The following CPNE8 variants were observed in gnomAD, a reference collection of about 807,000 sequenced individuals.
CPNE8 encodes the protein copine 8.
A neutral mutation model predicts 81.5 loss-of-function variants in CPNE8; 45 were observed. The ratio of observed to expected loss-of-function variants is 0.55; its 90% CI spans 0.44 to 0.71. The LOEUF is 0.71. Ranked by LOEUF, CPNE8 falls within the 30% of genes least tolerant of loss-of-function variation. CPNE8 has a pLI of 0.00. For synonymous variants in CPNE8, 252 were observed against 226.3 expected (o/e 1.11, Z -1.02); for missense variants, 594 against 672.1 (o/e 0.88, Z 1.28).
chr12:38,766,267 G>A (rs980689002), intron 8 of CPNE8, among the ~76,000 whole-genome samples: 1 of 152,092 alleles, frequency 6.6e-6, no homozygotes, highest in African/African-American at 2.4e-5. Context: ...TCTTTATGAA[G>A]AAAACTAATA....
At chr12:38,721,285 C>G (rs1940557610) in intron 13 of CPNE8, 1 of 153,836 alleles carries the variant, frequency 6.5e-6, no homozygotes, top group Non-Finnish European at 1.4e-5. Context: ...CCAGGCCCTT[C>G]TGTCTGCTAG....
intron 1 of CPNE8, among the ~76,000 whole-genome samples, chr12:38,888,500 A>C (rs1944266909): frequency 6.6e-6 from 1 of 152,248 alleles, no homozygotes; most frequent in South Asian, 2.1e-4. Flanking sequence ...ACCTAGGAGT[A>C]ATCTGAGATT....
intron 3 of CPNE8, among the ~76,000 whole-genome samples, chr12:38,856,501 A>G (rs1943737246): frequency 6.6e-6 from 1 of 152,184 alleles, no homozygotes; most frequent in African/African-American, 2.4e-5. Flanking sequence ...TAAAAGGATC[A>G]TCCTTGTCTA....
At chr12:38,757,135 G>A (rs1351874529) in intron 10 of CPNE8, among the ~76,000 whole-genome samples, 1 of 151,908 alleles carries the variant, frequency 6.6e-6, no homozygotes, top group Admixed American at 6.6e-5. Context: ...CATCCACTGA[G>A]CAAATAATGT....
chr12:38,873,273 T>C (rs1237262999), intron 2 of CPNE8, among the ~76,000 whole-genome samples: 1 of 152,148 alleles, frequency 6.6e-6, no homozygotes, highest in Non-Finnish European at 1.5e-5. Context: ...TAGAACTTAG[T>C]ATGAATTGAG....
intron 1 of CPNE8, among the ~76,000 whole-genome samples, chr12:38,890,797 A>T (rs555071364): frequency 2.6e-5 from 4 of 151,950 alleles, no homozygotes; most frequent in African/African-American, 9.6e-5. Context: ...CTACTTAGGT[A>T]TTTTATATAG....
At chr12:38,697,817 T>A (rs769796593) in intron 14 of CPNE8, among the ~76,000 whole-genome samples, 1 of 152,138 alleles carries the variant, frequency 6.6e-6, no homozygotes, top group Non-Finnish European at 1.5e-5. Flanking sequence ...TCTCTCTCTC[T>A]CTCTTGCTCC....
chr12:38,828,800 T>C (rs1482642813), intron 6 of CPNE8, among the ~76,000 whole-genome samples: 2 of 152,130 alleles, frequency 1.3e-5, no homozygotes, highest in Non-Finnish European at 2.9e-5. Flanking sequence ...ATGAAAAATT[T>C]CTAAAATTTG....
intron 19 of CPNE8, among the ~76,000 whole-genome samples, chr12:38,663,597 T>C (rs1375377521): frequency 1.3e-5 from 2 of 152,080 alleles, no homozygotes; most frequent in Non-Finnish European, 2.9e-5. Context: ...AGAACTACCA[T>C]ATGCTTCAGC....
rs146743520 is a variant in CPNE8 at position 38,661,728 on chromosome 12, C to T, written c.1507-7658G>A. On this transcript the variant is annotated intron_variant, in intron 19 of 19. Coordinates refer to ENST00000331366, the MANE Select transcript of CPNE8 (RefSeq NM_153634.3). ...AACAAAAATCTACAGGTTAATATTC[C>T]TGATGAACATAGATGCAAACATCTT... Among the ~76,000 whole-genome samples, 614 of 152,168 alleles carry T rather than the reference C, an allele frequency of 4.0e-3. 9 individuals carry two copies. Among genetic ancestry groups the T allele is most frequent in the African/African-American group, 0.013 (553 of 41,522 alleles).
intron 6 of CPNE8, among the ~76,000 whole-genome samples, chr12:38,799,787 C>A (rs1469836707): frequency 2.1e-5 from 3 of 141,200 alleles, no homozygotes; most frequent in South Asian, 2.3e-4. Flanking sequence ...TGGGCGCAGG[C>A]CAGTGTGTGC....
chr12:38,850,833 C>T (rs1943632384), intron 3 of CPNE8, among the ~76,000 whole-genome samples: 1 of 152,350 alleles, frequency 6.6e-6, no homozygotes, highest in Non-Finnish European at 1.5e-5. Flanking sequence ...GTTCTCTATA[C>T]AATCACTTTT....
In CPNE8 at chr12:38,814,515, G is replaced by A. The variant is rs539401591; in HGVS notation, c.407+14864C>T. ...TTTTGGTATTTTTAATAGAAACGGG[G>A]TTTCACCATATTGATCAGGCTGGTC... On this transcript the variant is annotated intron_variant, in intron 6 of 19. Coordinates refer to ENST00000331366, the MANE Select transcript of CPNE8 (RefSeq NM_153634.3). Among the ~76,000 whole-genome samples the A allele has an allele frequency of 7.2e-5, 11 of 151,836 alleles. No homozygotes were observed. The South Asian group carries it at 1.5e-3, about 20-fold the overall frequency.
At chr12:38,772,027 G>C (rs1941814300) in intron 7 of CPNE8, among the ~76,000 whole-genome samples, 1 of 152,162 alleles carries the variant, frequency 6.6e-6, no homozygotes, top group Admixed American at 6.5e-5. Flanking sequence ...CTCATAAATA[G>C]GTAGGTGCTG....
chr12:38,869,487 A>T (rs1013201253), intron 3 of CPNE8, among the ~76,000 whole-genome samples: 1 of 152,198 alleles, frequency 6.6e-6, no homozygotes, highest in Non-Finnish European at 1.5e-5. Flanking sequence ...CCACAACATT[A>T]TGCTGGCTCT....
intron 6 of CPNE8, among the ~76,000 whole-genome samples, chr12:38,814,821 G>T (rs1421258215): frequency 6.6e-6 from 1 of 151,784 alleles, no homozygotes. Context: ...AAATAATATA[G>T]CTTTTTATTT....
At chr12:38,870,016 T>A (rs901211808) in intron 3 of CPNE8, among the ~76,000 whole-genome samples, 1 of 152,234 alleles carries the variant, frequency 6.6e-6, no homozygotes, top group Admixed American at 6.5e-5. Context: ...AAAGTTTCTT[T>A]CCATTTATAA....
At chr12:38,729,984 AGAG>A (rs917389108) in intron 11 of CPNE8, among the ~76,000 whole-genome samples, 56 of 152,094 alleles carry the variant, frequency 3.7e-4, no homozygotes, top group African/African-American at 1.3e-3. Context: ...AAGAGATGGA[AGAG>A]GAGGTTGGTA....
At chr12:38,709,312 T>A (rs1940188512) in intron 13 of CPNE8, among the ~76,000 whole-genome samples, 1 of 152,242 alleles carries the variant, frequency 6.6e-6, no homozygotes, top group Non-Finnish European at 1.5e-5. Flanking sequence ...ACTACCTGAA[T>A]GACAATGCAG....
Sources: gnomAD v4.1 joint callset for allele counts (sites outside exome capture counted in the v4.1 genomes callset) on GRCh38, gnomAD v4.1.1 for gene constraint, MANE v1.5 for transcripts, NCBI Gene and HGNC (gene_info 2026-07-23, HGNC 2026-07-21) for gene names.